The following CAB39 variants were observed in gnomAD, a reference collection of about 807,000 sequenced individuals.
CAB39 encodes calcium binding protein 39, also known as calcium-binding protein 39.
CAB39 carries 8 observed loss-of-function variants against 40.0 expected under a neutral mutation model. That is an observed-to-expected ratio of 0.20 (90% CI 0.12 to 0.36). CAB39 has a LOEUF of 0.36. CAB39 is among the 10% of genes least tolerant of loss of function. CAB39 has a pLI of 1.00. For missense variants in CAB39, 270 were observed against 401.1 expected (o/e 0.67, Z 2.79); for synonymous variants, 156 against 141.6 (o/e 1.10, Z -0.72).
intron 5 of CAB39, among the ~76,000 whole-genome samples, chr2:230,808,241 C>T (rs1471549146): frequency 5.9e-5 from 9 of 152,072 alleles, no homozygotes; most frequent in Non-Finnish European, 1.3e-4. Context: ...CATGCATCAC[C>T]ACACCCAGCT....
intron 5 of CAB39, among the ~76,000 whole-genome samples, chr2:230,802,416 G>A (rs1696106488): frequency 6.6e-6 from 1 of 152,124 alleles, no homozygotes; most frequent in South Asian, 2.1e-4. Flanking sequence ...GATCAGAGCA[G>A]AACTGAAGGA....
chr2:230,769,066 A>G (rs1256442166), intron 2 of CAB39, among the ~76,000 whole-genome samples: 1 of 152,150 alleles, frequency 6.6e-6, no homozygotes, highest in Non-Finnish European at 1.5e-5. Flanking sequence ...GGAAAAAGAT[A>G]AACTTTGTTA....
intron 1 of CAB39, among the ~76,000 whole-genome samples, chr2:230,733,242 A>G (rs1305694755): frequency 2.6e-5 from 4 of 151,800 alleles, no homozygotes; most frequent in Non-Finnish European, 2.9e-5. Context: ...AATTTGCCCT[A>G]GTTTGGATGA....
At chr2:230,796,774 A>G (rs1695994101) in intron 4 of CAB39, among the ~76,000 whole-genome samples, 1 of 152,160 alleles carries the variant, frequency 6.6e-6, no homozygotes, top group Non-Finnish European at 1.5e-5. Context: ...TAAAAGGAAT[A>G]GGACTTAAGA....
intron 5 of CAB39, among the ~76,000 whole-genome samples, chr2:230,807,950 G>A (rs1275611214): frequency 6.6e-6 from 1 of 152,056 alleles, no homozygotes; most frequent in Non-Finnish European, 1.5e-5. Context: ...AAAGTTAGAA[G>A]CAACACTGTC....
chr2:230,739,264 A>T (rs1694836393), intron 1 of CAB39, among the ~76,000 whole-genome samples: 1 of 152,222 alleles, frequency 6.6e-6, no homozygotes, highest in Non-Finnish European at 1.5e-5. Context: ...TGTATTTTAA[A>T]ATACAGTGCT....
chr2:230,748,826 AAAAAAATATAT>A lies in CAB39; in HGVS notation c.-43-11131_-43-11121del, dbSNP rs1225536839. ...TATTTCCAAAAAGAAAAAAAAAAAA[AAAAAAATATAT>A]ATATATATATATATATATATATATA... is the stretch of plus-strand genomic sequence containing the variant. On this transcript the variant is annotated intron_variant, in intron 1 of 8. Coordinates refer to ENST00000258418, the MANE Select transcript of CAB39 (RefSeq NM_016289.4). Among the ~76,000 whole-genome samples the A allele has an allele frequency of 3.6e-3, 255 of 70,552 alleles. 1 individual carries two copies. The highest frequency in any genetic ancestry group is 7.0e-3 in the Admixed American group (43 of 6,106). 46.3% of individuals were successfully genotyped at this position (70,552 alleles called of 152,430 possible).
chr2:230,755,682 T>G (rs2124913072), intron 1 of CAB39, among the ~76,000 whole-genome samples: 1 of 152,310 alleles, frequency 6.6e-6, no homozygotes, highest in South Asian at 2.1e-4. Context: ...TACATTTGCT[T>G]TTGGGTTTTT....
rs1694400255 is a variant in CAB39, at chr2:230,718,963, T to C, written c.-44+5733T>C. Among the ~76,000 whole-genome samples, 3 of 152,358 alleles carry C rather than the reference T, an allele frequency of 2.0e-5. No homozygotes were observed. In the South Asian group the frequency reaches 6.2e-4, roughly 32 times the overall value. ...TTAAGTATCATACTTTATGCAGTAA[T>C]GTCTTCTTTTGGACCTTTTCACTAA... On this transcript the variant is annotated intron_variant, in intron 1 of 8. Coordinates refer to ENST00000258418, the MANE Select transcript of CAB39 (RefSeq NM_016289.4).
chr2:230,732,320 G>A (rs1694707446), intron 1 of CAB39, among the ~76,000 whole-genome samples: 1 of 151,808 alleles, frequency 6.6e-6, no homozygotes, highest in African/African-American at 2.4e-5. Context: ...CTGACCTCGT[G>A]ATCCACCCAC....
chr2:230,726,258 A>T (rs1252950565), intron 1 of CAB39, among the ~76,000 whole-genome samples: 1 of 151,580 alleles, frequency 6.6e-6, no homozygotes, highest in Admixed American at 6.6e-5. Flanking sequence ...TGCCTCCTGG[A>T]TTCAAGCAAT....
intron 7 of CAB39, among the ~76,000 whole-genome samples, chr2:230,816,413 G>A (rs566609285): frequency 7.2e-5 from 11 of 152,298 alleles, no homozygotes; most frequent in African/African-American, 1.7e-4. Flanking sequence ...GCTTCTCACC[G>A]TAAGAATAGA....
chr2:230,728,503 G>C (rs922435174), intron 1 of CAB39, among the ~76,000 whole-genome samples: 2 of 152,092 alleles, frequency 1.3e-5, no homozygotes, highest in Non-Finnish European at 2.9e-5. Context: ...GTTTTGCCAT[G>C]TTGTCCAGGC....
chr2:230,782,809 C>CT (rs1408052300), intron 2 of CAB39, among the ~76,000 whole-genome samples: 2,257 of 111,998 alleles, frequency 0.02, 246 homozygotes, highest in African/African-American at 0.1. Flanking sequence ...TTCTTTCTTT[C>CT]TTTCTTTTTT....
chr2:230,802,286 C>T (rs1201321425), intron 5 of CAB39, among the ~76,000 whole-genome samples: 1 of 152,122 alleles, frequency 6.6e-6, no homozygotes, highest in Non-Finnish European at 1.5e-5. Context: ...AAATTTATAG[C>T]ACTAAATGCC....
At chr2:230,782,029 T>TA (rs1479244490) in intron 2 of CAB39, among the ~76,000 whole-genome samples, 1 of 152,118 alleles carries the variant, frequency 6.6e-6, no homozygotes, top group Non-Finnish European at 1.5e-5. Context: ...TGCACCCAGC[T>TA]AATTTTTGCA....
intron 4 of CAB39, among the ~76,000 whole-genome samples, chr2:230,798,372 G>A (rs1160557267): frequency 6.6e-6 from 1 of 152,182 alleles, no homozygotes; most frequent in Non-Finnish European, 1.5e-5. Context: ...GTTTTTCTGA[G>A]TGTCAAGAGC....
At chr2:230,745,634 A>C (rs1694959584) in intron 1 of CAB39, among the ~76,000 whole-genome samples, 1 of 151,894 alleles carries the variant, frequency 6.6e-6, no homozygotes. Context: ...TTTTTTTTGC[A>C]GGGGAGGCGG....
At position 230,734,875 on chromosome 2, in the gene CAB39, G is replaced by C. The variant is rs182806804; in HGVS notation, c.-44+21645G>C. 1.5e-3 allele frequency among the ~76,000 whole-genome samples: 224 copies of C among 152,194 alleles called. 4 individuals carry two copies. Among genetic ancestry groups the C allele is most frequent in the Admixed American group, 0.013 (201 of 15,290 alleles). On this transcript the variant is annotated intron_variant, in intron 1 of 8. Transcript: ENST00000258418. ...GGAACTGGAATATGTGCCCCACCCG[G>C]GTGGAACACTGTTCTGCATTATTAG... is the stretch of plus-strand genomic sequence containing the variant.
Sources: gnomAD v4.1 joint callset for allele counts (sites outside exome capture counted in the v4.1 genomes callset) on GRCh38, gnomAD v4.1.1 for gene constraint, MANE v1.5 for transcripts, NCBI Gene and HGNC (gene_info 2026-07-23, HGNC 2026-07-21) for gene names.